PRKN: variants seen among roughly 807,000 people sequenced by gnomAD.
PRKN encodes the protein parkin RBR E3 ubiquitin protein ligase.
In PRKN, 56 loss-of-function variants were observed where a neutral mutation model predicts 59.5. The ratio of observed to expected loss-of-function variants is 0.94; its 90% CI spans 0.76 to 1.18. The LOEUF is 1.18. Ranked by LOEUF, PRKN falls within the 50% of genes most tolerant of loss-of-function variation. PRKN has a pLI of 0.00. For missense variants in PRKN, 657 were observed against 596.4 expected, an observed-to-expected ratio of 1.10 and a Z score of -1.06; for synonymous variants, 250 against 222.1, an observed-to-expected ratio of 1.13 and a Z score of -1.12.
At chr6:161,435,415 T>C (rs1788836192) in intron 9 of PRKN, among the ~76,000 whole-genome samples, 1 of 152,162 alleles carries the variant, frequency 6.6e-6, no homozygotes, top group Non-Finnish European at 1.5e-5. Context: ...GTCGTTTTGT[T>C]AATGTTGTTT....
intron 1 of PRKN, among the ~76,000 whole-genome samples, chr6:162,604,641 G>C (rs931353354): frequency 3.3e-5 from 5 of 150,932 alleles, no homozygotes; most frequent in African/African-American, 1.2e-4. Context: ...GTGTCAGCTC[G>C]TGTGTGACAG....
chr6:162,519,741 C>T (rs1778011665), intron 1 of PRKN, among the ~76,000 whole-genome samples: 1 of 152,018 alleles, frequency 6.6e-6, no homozygotes, highest in African/African-American at 2.4e-5. Context: ...ATGCTTAACC[C>T]ATGACCAAAT....
intron 6 of PRKN, among the ~76,000 whole-genome samples, chr6:161,872,513 C>T (rs1437073444): frequency 6.6e-6 from 1 of 152,162 alleles, no homozygotes; most frequent in African/African-American, 2.4e-5. Context: ...GCATCAGGCG[C>T]TCCTGTCCTC....
intron 1 of PRKN, among the ~76,000 whole-genome samples, chr6:162,680,197 A>G (rs1175110746): frequency 6.6e-6 from 1 of 151,146 alleles, no homozygotes; most frequent in Non-Finnish European, 1.5e-5. Context: ...ATAATATTTG[A>G]GGAAGAAAAG....
intron 1 of PRKN, among the ~76,000 whole-genome samples, chr6:162,676,608 C>A (rs557995268): frequency 8.5e-5 from 13 of 152,130 alleles, no homozygotes; most frequent in Admixed American, 2.6e-4. Context: ...GGAGGCATGA[C>A]CTGTGGTAAA....
chr6:162,081,061 C>G (rs1196299048), intron 4 of PRKN, among the ~76,000 whole-genome samples: 2 of 152,116 alleles, frequency 1.3e-5, no homozygotes, highest in Non-Finnish European at 2.9e-5. Context: ...TCAGCCTCCA[C>G]TTCTAATTCT....
In PRKN at chr6:161,545,221, A is replaced by C; in HGVS notation, c.1083+3633T>G. ...TTCTATCTTGATAATTGAGGGAAAA[A>C]AAAATTAAGCACGGGTGAATTCACA... On this transcript the variant is annotated intron_variant, in intron 9 of 11. Coordinates refer to ENST00000366898, the MANE Select transcript of PRKN (RefSeq NM_004562.3). The surrounding 1 kb of genome is among the most constrained non-coding windows in gnomAD (Gnocchi z 4.1). 7.5e-7 allele frequency: 1 copy of C among 1,337,304 alleles called. No individual in the cohort carries two copies. The highest frequency in any genetic ancestry group is 2.3e-5 in the South Asian group (1 of 43,714). 82.8% of individuals were successfully genotyped at this position (1,337,304 alleles called of 1,614,324 possible). A position where few individuals can be genotyped will look rare whatever the true frequency, so the allele number is the denominator to read the frequency against.
At chr6:161,637,608 C>T (rs961416853) in intron 7 of PRKN, among the ~76,000 whole-genome samples, 1 of 152,032 alleles carries the variant, frequency 6.6e-6, no homozygotes, top group Non-Finnish European at 1.5e-5. Flanking sequence ...TCTGCGTTCC[C>T]AGGCCTGTTG....
At chr6:161,865,131 C>A (rs779606931) in intron 6 of PRKN, among the ~76,000 whole-genome samples, 3 of 152,136 alleles carry the variant, frequency 2.0e-5, no homozygotes, top group Admixed American at 6.6e-5. Context: ...TCCATCAGAG[C>A]GCTTGGGTGA....
intron 3 of PRKN, among the ~76,000 whole-genome samples, chr6:162,257,242 C>A (rs1210941039): frequency 6.6e-6 from 1 of 152,056 alleles, no homozygotes; most frequent in Non-Finnish European, 1.5e-5. Context: ...AGGCCGGGGT[C>A]AGTGGATTAC....
At chr6:162,548,419 T>C (rs577986641) in intron 1 of PRKN, among the ~76,000 whole-genome samples, 4 of 152,300 alleles carry the variant, frequency 2.6e-5, no homozygotes, top group African/African-American at 7.2e-5. Flanking sequence ...TTTCTGCCTA[T>C]ATTTCCTGAG....
intron 6 of PRKN, among the ~76,000 whole-genome samples, chr6:161,796,494 T>C (rs570591274): frequency 6.6e-6 from 1 of 152,260 alleles, no homozygotes; most frequent in South Asian, 2.1e-4. Flanking sequence ...AAATAGTGGA[T>C]AAATCATAAT....
At chr6:161,795,949 C>A (rs1425718298) in intron 6 of PRKN, among the ~76,000 whole-genome samples, 1 of 151,902 alleles carries the variant, frequency 6.6e-6, no homozygotes, top group Non-Finnish European at 1.5e-5. Context: ...TATTAAAGTC[C>A]CAAATTCTTC....
In PRKN at chr6:162,702,400, T is replaced by G. The variant is rs570333779; in HGVS notation, c.7+25262A>C. Among the ~76,000 whole-genome samples the G allele has an allele frequency of 1.0e-3, 158 of 152,298 alleles. 1 individual carries two copies. Among genetic ancestry groups the G allele is most frequent in the Middle Eastern group, 6.8e-3 (2 of 294 alleles). On this transcript the variant is annotated intron_variant, in intron 1 of 11. Coordinates refer to ENST00000366898, the MANE Select transcript of PRKN (RefSeq NM_004562.3). ...AGAAGTTTAAACTCTAATTAACAGC[T>G]AATAATATGCAGATAGCAGATACAC... is the stretch of plus-strand genomic sequence containing the variant.
chr6:162,494,996 T>C (rs535708103), intron 1 of PRKN, among the ~76,000 whole-genome samples: 19 of 152,218 alleles, frequency 1.2e-4, no homozygotes, highest in East Asian at 3.9e-4. Context: ...CTGGAAACCA[T>C]TGATTTCAGT....
chr6:161,767,647 C>A (rs1789486495), intron 7 of PRKN, among the ~76,000 whole-genome samples: 1 of 152,092 alleles, frequency 6.6e-6, no homozygotes, highest in Admixed American at 6.5e-5. Context: ...GAAATTATAA[C>A]ACGGTGGAGA....
rs142605902 is a variant in PRKN, at chr6:162,279,253, G to A, written c.172-16488C>T. On this transcript the variant is annotated intron_variant, in intron 2 of 11. Coordinates refer to ENST00000366898, the MANE Select transcript of PRKN (RefSeq NM_004562.3). ...CTTGGGAGGCTGAGGCAAGAGAATC[G>A]CTTGAACCTGGGAGGCTGAGGTTGC... Among the ~76,000 whole-genome samples, 174 of 151,862 alleles carry A rather than the reference G, an allele frequency of 1.1e-3. 1 individual carries two copies. The highest frequency in any genetic ancestry group is 3.7e-3 in the African/African-American group (154 of 41,420).
At chr6:161,959,325 G>A (rs548002777) in intron 6 of PRKN, among the ~76,000 whole-genome samples, 26 of 152,142 alleles carry the variant, frequency 1.7e-4, no homozygotes, top group African/African-American at 5.5e-4. Context: ...GGGATCTAGC[G>A]GTTTTCCCTT....
intron 4 of PRKN, among the ~76,000 whole-genome samples, chr6:162,164,163 G>A (rs1782879019): frequency 6.7e-6 from 1 of 149,140 alleles, no homozygotes. Context: ...AACAATGGCC[G>A]AAAAGGAACT....
Sources: gnomAD v4.1 joint callset for allele counts (sites outside exome capture counted in the v4.1 genomes callset) on GRCh38, gnomAD v4.1.1 for gene constraint, Gnocchi (gnomAD v3.1) non-coding constraint, MANE v1.5 for transcripts, NCBI Gene and HGNC (gene_info 2026-07-23, HGNC 2026-07-21) for gene names.